Variants in SDK1 observed in about 807,000 individuals in gnomAD.
SDK1 encodes the protein sidekick cell adhesion molecule 1, also known as protein sidekick-1.
Under a neutral mutation model 245.5 loss-of-function variants are expected in SDK1, and 157 were observed. The ratio of observed to expected loss-of-function variants is 0.64; its 90% CI spans 0.56 to 0.73. SDK1 has a LOEUF of 0.73. SDK1 is among the 30% of genes least tolerant of loss of function. The pLI, the probability that SDK1 is intolerant of heterozygous loss-of-function variation, is 0.00. For missense variants in SDK1, 3,583 were observed against 3,002.3 expected (o/e 1.19, Z -4.52); for synonymous variants, 1,647 against 1,278.5 (o/e 1.29, Z -6.15).
rs140801289 is a variant in SDK1, at chr7:4,155,597, A to T, written c.4626-2851A>T. The stretch of plus-strand genomic sequence containing the variant: ...CAGAGGCCAGTGAGAAAACAAATAC[A>T]TCAATAAGTAAGCATAATCGCAAAT... On this transcript the variant is annotated intron_variant, in intron 30 of 44. Transcript: ENST00000404826. Among the ~76,000 whole-genome samples the T allele has an allele frequency of 2.6e-5, 4 of 152,366 alleles. 1 individual carries two copies. The highest frequency in any genetic ancestry group is 5.9e-5 in the Non-Finnish European group (4 of 68,034).
At chr7:3,680,386 T>C (rs1469934472) in intron 4 of SDK1, among the ~76,000 whole-genome samples, 1 of 151,734 alleles carries the variant, frequency 6.6e-6, no homozygotes, top group Non-Finnish European at 1.5e-5. Context: ...GGACAGTCTG[T>C]GTGTTGATTG....
chr7:3,650,321 T>C (rs1439916132), intron 4 of SDK1, among the ~76,000 whole-genome samples: 1 of 152,060 alleles, frequency 6.6e-6, no homozygotes, highest in Non-Finnish European at 1.5e-5. Flanking sequence ...TCTTTTCATC[T>C]TGTGAAACTC....
chr7:3,995,025 C>G (rs1784597141), intron 14 of SDK1, among the ~76,000 whole-genome samples: 1 of 152,166 alleles, frequency 6.6e-6, no homozygotes, highest in Admixed American at 6.5e-5. Context: ...AGGTTGCCAG[C>G]CCTACTTCTT....
At chr7:3,574,756 G>T (rs367817665) in intron 1 of SDK1, among the ~76,000 whole-genome samples, 1 of 152,050 alleles carries the variant, frequency 6.6e-6, no homozygotes, top group South Asian at 2.1e-4. Context: ...TTAAAGTTAC[G>T]AAACAAACCA....
chr7:3,798,211 C>CTTT (rs71029699), intron 4 of SDK1, among the ~76,000 whole-genome samples: 549 of 53,628 alleles, frequency 0.01, 7 homozygotes, highest in African/African-American at 0.027. Flanking sequence ...CCTTGGCACT[C>CTTT]TTTTTTTTTT....
At chr7:3,796,861 C>G (rs1429953990) in intron 4 of SDK1, among the ~76,000 whole-genome samples, 2 of 151,896 alleles carry the variant, frequency 1.3e-5, no homozygotes, top group Non-Finnish European at 2.9e-5. Context: ...GTTATATAGT[C>G]AAGTATATTA....
Position 4,265,230 on chromosome 7 carries a change from G to A in SDK1, c.6488G>A (p.Arg2163His), listed in dbSNP as rs932798743. The change falls in exon 45 of 45, where the codon CGC becomes CAC. Residue 2163 changes from arginine to histidine, a missense_variant. By Grantham distance (29) the Arg-to-His change is conservative. Transcript: ENST00000404826. ...TCATGGAAGCGCAGGGCCCAGGGCC[G>A]CGCACCTGCGCCGCACAGGTACGAG... is the stretch of plus-strand genomic sequence containing the variant. ...YNSWKRRAQG[R>H]APAPHRYEAV... 1.2e-6 allele frequency: 2 copies of A among 1,608,242 alleles called. No homozygotes were observed. The highest frequency in any genetic ancestry group is 1.7e-6 in the Non-Finnish European group (2 of 1,179,326).
intron 1 of SDK1, among the ~76,000 whole-genome samples, chr7:3,341,112 T>A (rs1038466550): frequency 2.6e-4 from 39 of 152,102 alleles, no homozygotes; most frequent in African/African-American, 7.2e-4. Context: ...TTAAAGGCAA[T>A]GATCCTCAAG....
At chr7:3,959,143 G>A (rs1781482084) in intron 8 of SDK1, 129 bp downstream of exon 8, 1 of 758,882 alleles carries the variant, frequency 1.3e-6, no homozygotes, top group Non-Finnish European at 2.3e-6. Flanking sequence ...ACTTCAGAGA[G>A]TAGATCGGTC....
At chr7:3,342,727 G>A (rs1479870968) in intron 1 of SDK1, among the ~76,000 whole-genome samples, 2 of 152,136 alleles carry the variant, frequency 1.3e-5, no homozygotes, top group Non-Finnish European at 2.9e-5. Context: ...CCATGAAAGA[G>A]CATATTAAGA....
At chr7:3,804,008 C>A (rs1346674261) in intron 4 of SDK1, among the ~76,000 whole-genome samples, 1 of 152,192 alleles carries the variant, frequency 6.6e-6, no homozygotes, top group Non-Finnish European at 1.5e-5. Context: ...TCGTGATCCA[C>A]CTGCCTTGGC....
chr7:4,126,994 T>A (rs181234683), intron 25 of SDK1, among the ~76,000 whole-genome samples: 1 of 152,298 alleles, frequency 6.6e-6, no homozygotes, highest in East Asian at 1.9e-4. Flanking sequence ...CCTTCTCTCT[T>A]CAGCTTCTCC....
At chr7:3,558,790 C>T (rs570134384) in intron 1 of SDK1, among the ~76,000 whole-genome samples, 1 of 152,184 alleles carries the variant, frequency 6.6e-6, no homozygotes, top group African/African-American at 2.4e-5. Context: ...GAATTTTTCT[C>T]CTCTGCTAAT....
At chr7:3,737,700 C>T (rs1779357440) in intron 4 of SDK1, among the ~76,000 whole-genome samples, 1 of 152,174 alleles carries the variant, frequency 6.6e-6, no homozygotes, top group Admixed American at 6.5e-5. Flanking sequence ...CCTAGCCAAC[C>T]CCAGGTGGTC....
At chr7:4,236,755 G>C (rs1338485592) in intron 41 of SDK1, among the ~76,000 whole-genome samples, 2 of 152,096 alleles carry the variant, frequency 1.3e-5, no homozygotes, top group Non-Finnish European at 2.9e-5. Context: ...CGTAACAGGT[G>C]GAATGTGAGT....
intron 4 of SDK1, among the ~76,000 whole-genome samples, chr7:3,817,392 G>T (rs910773010): frequency 6.6e-6 from 1 of 152,212 alleles, no homozygotes; most frequent in Non-Finnish European, 1.5e-5. Flanking sequence ...CCTCCACTCT[G>T]AGCAGGGAGT....
intron 4 of SDK1, among the ~76,000 whole-genome samples, chr7:3,642,470 C>G (rs146032449): frequency 6.6e-6 from 1 of 152,142 alleles, no homozygotes. Flanking sequence ...TATTTACTTA[C>G]AGTGCTGTGG....
chr7:3,665,666 T>C (rs1019668985), intron 4 of SDK1, among the ~76,000 whole-genome samples: 1 of 152,124 alleles, frequency 6.6e-6, no homozygotes, highest in African/African-American at 2.4e-5. Flanking sequence ...GAAGTAGTAT[T>C]TCGTGGTGAC....
At chr7:4,119,061 G>A (rs1252988296) in intron 25 of SDK1, among the ~76,000 whole-genome samples, 1 of 148,314 alleles carries the variant, frequency 6.7e-6, no homozygotes, top group Non-Finnish European at 1.5e-5. Flanking sequence ...GTACAATTTA[G>A]GGGAATTGTA....
Sources: gnomAD v4.1 joint callset for allele counts (sites outside exome capture counted in the v4.1 genomes callset) on GRCh38, gnomAD v4.1.1 for gene constraint, MANE v1.5 for transcripts, NCBI Gene and HGNC (gene_info 2026-07-23, HGNC 2026-07-21) for gene names.